Variants in TSPAN18 observed in about 807,000 individuals in gnomAD.
TSPAN18 encodes tetraspanin 18, also known as tetraspanin-18.
Under a neutral mutation model 27.3 loss-of-function variants are expected in TSPAN18, and 14 were observed. The observed-to-expected ratio is 0.51, with a 90% confidence interval of 0.34 to 0.80. The LOEUF is 0.80. Ranked by LOEUF, TSPAN18 falls within the 30% of genes least tolerant of loss-of-function variation. TSPAN18 has a pLI of 0.01. For synonymous variants in TSPAN18, 143 were observed against 136.5 expected, an observed-to-expected ratio of 1.05 and a Z score of -0.33; for missense variants, 268 against 323.9, an observed-to-expected ratio of 0.83 and a Z score of 1.32.
chr11:44,777,302 G>A (rs1855834545), intron 2 of TSPAN18, among the ~76,000 whole-genome samples: 1 of 152,160 alleles, frequency 6.6e-6, no homozygotes. Flanking sequence ...CTTTATGGGG[G>A]ATTGGGTTGG....
intron 2 of TSPAN18, among the ~76,000 whole-genome samples, chr11:44,766,566 G>A (rs1326347968): frequency 6.6e-6 from 1 of 152,156 alleles, no homozygotes; most frequent in Admixed American, 6.5e-5. Context: ...TGGGCCTCAA[G>A]CCTCGGTGTA....
intron 8 of TSPAN18, among the ~76,000 whole-genome samples, chr11:44,920,263 G>C (rs1446944606): frequency 6.6e-6 from 1 of 152,198 alleles, no homozygotes; most frequent in Non-Finnish European, 1.5e-5. Flanking sequence ...GGGGCTAAGG[G>C]GTGAGTAGGA....
intron 1 of TSPAN18, among the ~76,000 whole-genome samples, chr11:44,756,214 T>TA (rs1855328685): frequency 6.8e-6 from 1 of 147,550 alleles, no homozygotes. Flanking sequence ...AGTTAATATA[T>TA]AAATTATTGT....
At chr11:44,917,708 C>T (rs887123736) in intron 5 of TSPAN18, 19 of 498,128 alleles carry the variant, frequency 3.8e-5, no homozygotes, top group Admixed American at 1.7e-4. Flanking sequence ...GCACACTGTA[C>T]GAGGGGCCTC....
chr11:44,768,357 G>A (rs190758067), intron 2 of TSPAN18, among the ~76,000 whole-genome samples: 214 of 152,252 alleles, frequency 1.4e-3, no homozygotes, highest in Non-Finnish European at 1.6e-3. Context: ...TTCTTTAGGT[G>A]TTAATAGAAA....
intron 2 of TSPAN18, among the ~76,000 whole-genome samples, chr11:44,807,192 TAAAAAAAAAAAAAAAAAA>T (rs1046665098): frequency 1.0e-4 from 7 of 67,320 alleles, no homozygotes; most frequent in Non-Finnish European, 1.5e-4. Flanking sequence ...CCCTGTCTCT[TAAAAAAAAAAAAAAAAAA>T]AAAAAAAAAA....
chr11:44,878,281 C>G (rs1466894999), intron 3 of TSPAN18, among the ~76,000 whole-genome samples: 3 of 152,092 alleles, frequency 2.0e-5, no homozygotes, highest in Non-Finnish European at 4.4e-5. Context: ...TCTCCTCTTC[C>G]CGCTAACAGG....
At chr11:44,734,838 A>T (rs1854750943) in intron 1 of TSPAN18, among the ~76,000 whole-genome samples, 1 of 152,154 alleles carries the variant, frequency 6.6e-6, no homozygotes, top group Non-Finnish European at 1.5e-5. Context: ...AGCGTGCTCT[A>T]GTGGGCCAAG....
chr11:44,749,639 T>TTTTC (rs1855163480), intron 1 of TSPAN18, among the ~76,000 whole-genome samples: 1 of 145,626 alleles, frequency 6.9e-6, no homozygotes, highest in African/African-American at 2.6e-5. Context: ...TTTCTTTTTT[T>TTTTC]TTTTTTTTTT....
Position 44,756,614 on chromosome 11 carries a change from G to T in TSPAN18, c.-239-7812G>T, listed in dbSNP as rs76385689. 8.0e-3 allele frequency among the ~76,000 whole-genome samples: 1,220 copies of T among 152,018 alleles called. 16 individuals are homozygous for T. The highest frequency in any genetic ancestry group is 0.028 in the African/African-American group (1,173 of 41,440). ...CCTGGTAACCTCCATTCTATTTCTGGTCTCTGTGATTTTAACTATTCTACA... is the reference window on the plus strand; with the variant it reads ...CCTGGTAACCTCCATTCTATTTCTGTTCTCTGTGATTTTAACTATTCTACA... On this transcript the variant is annotated intron_variant, in intron 1 of 9. Coordinates refer to ENST00000520358, the MANE Select transcript of TSPAN18 (RefSeq NM_130783.5).
intron 3 of TSPAN18, among the ~76,000 whole-genome samples, chr11:44,871,871 G>A (rs1858204937): frequency 6.6e-6 from 1 of 152,132 alleles, no homozygotes; most frequent in Non-Finnish European, 1.5e-5. Flanking sequence ...ATGCCCTCAT[G>A]CAATCTTTTC....
intron 2 of TSPAN18, among the ~76,000 whole-genome samples, chr11:44,858,082 C>T (rs184765709): frequency 6.6e-6 from 1 of 152,348 alleles, no homozygotes; most frequent in African/African-American, 2.4e-5. Context: ...TTCAGTTTCT[C>T]ATCAATAAAA....
chr11:44,876,095 G>A (rs983925137), intron 3 of TSPAN18, among the ~76,000 whole-genome samples: 2 of 152,168 alleles, frequency 1.3e-5, no homozygotes, highest in Non-Finnish European at 2.9e-5. Flanking sequence ...GAGCTCCGGA[G>A]AGGAAGGACC....
At chr11:44,914,723 G>A (rs835985) in intron 5 of TSPAN18, among the ~76,000 whole-genome samples, 1 of 152,134 alleles carries the variant, frequency 6.6e-6, no homozygotes, top group East Asian at 1.9e-4. Flanking sequence ...GCCACAATCC[G>A]CTCTCAGTAA....
intron 2 of TSPAN18, among the ~76,000 whole-genome samples, chr11:44,807,202 A>G: frequency 2.3e-4 from 2 of 8,638 alleles, no homozygotes; most frequent in Non-Finnish European, 9.1e-4. Flanking sequence ...TAAAAAAAAA[A>G]AAAAAAAAAA....
At position 44,919,886 on chromosome 11, in the gene TSPAN18, G is replaced by A. The variant is rs756605662; in HGVS notation, c.502G>A (p.Asp168Asn). 1.9e-6 allele frequency: 3 copies of A among 1,614,242 alleles called. No individual in the cohort carries two copies. The South Asian group carries it at 3.3e-5, about 18-fold the overall frequency. The change falls in exon 8 of 10, where the codon GAT (aspartate) becomes AAT (asparagine). Residue 168 changes from aspartate (D) to asparagine (N), a missense_variant. Coordinates refer to ENST00000520358, the MANE Select transcript of TSPAN18 (RefSeq NM_130783.5). ...FASVFRLLTLDSEEVPEACCR... is the reference protein window; with the variant it reads ...FASVFRLLTLNSEEVPEACCR... Reference sequence around the variant, plus strand: ...ATCTGTGTTTCGACTCCTGACCCTGGATAGTGAAGAGGTGCCGGAGGCCTG... The same window carrying A: ...ATCTGTGTTTCGACTCCTGACCCTGAATAGTGAAGAGGTGCCGGAGGCCTG...
intron 2 of TSPAN18, among the ~76,000 whole-genome samples, chr11:44,815,508 T>C (rs1023643256): frequency 1.3e-5 from 2 of 151,452 alleles, no homozygotes; most frequent in African/African-American, 4.9e-5. Flanking sequence ...GTCCCTGGAG[T>C]GTGTGGTGTG....
At chr11:44,821,078 A>C (rs768649627) in intron 2 of TSPAN18, among the ~76,000 whole-genome samples, 11 of 152,236 alleles carry the variant, frequency 7.2e-5, no homozygotes, top group Non-Finnish European at 1.2e-4. Flanking sequence ...CTTGTGATAC[A>C]CCAGAGAGGC....
At chr11:44,851,613 C>CCA (rs1174932419) in intron 2 of TSPAN18, among the ~76,000 whole-genome samples, 3 of 102,704 alleles carry the variant, frequency 2.9e-5, no homozygotes, top group East Asian at 4.6e-4. Flanking sequence ...ACTCTTGTCA[C>CCA]CTCCCCCCCC....
Sources: gnomAD v4.1 joint callset for allele counts (sites outside exome capture counted in the v4.1 genomes callset) on GRCh38, gnomAD v4.1.1 for gene constraint, MANE v1.5 for transcripts, NCBI Gene and HGNC (gene_info 2026-07-23, HGNC 2026-07-21) for gene names.